The following NFE2L3 variants were observed in gnomAD, a reference collection of about 807,000 sequenced individuals.
NFE2L3 encodes the protein nuclear factor erythroid 2-related factor 3.
In NFE2L3, 18 loss-of-function variants were observed where a neutral mutation model predicts 23.5. That is an observed-to-expected ratio of 0.77 (90% confidence interval 0.53 to 1.13). NFE2L3 has a LOEUF of 1.13. Ranked by LOEUF, NFE2L3 falls within the 50% of genes most tolerant of loss-of-function variation. NFE2L3 has a pLI of 0.00. For missense variants in NFE2L3, 1,152 were observed against 877.2 expected (o/e 1.31, Z -3.96); for synonymous variants, 424 against 354.5 (o/e 1.20, Z -2.20).
chr7:26,178,903 A>G (rs919442136), intron 2 of NFE2L3, among the ~76,000 whole-genome samples: 1 of 152,070 alleles, frequency 6.6e-6, no homozygotes. Context: ...CTGCTTTAGC[A>G]TGTCCCCTTC....
In NFE2L3 at chr7:26,152,291, G is replaced by A. The variant is rs1318003028; in HGVS notation, c.-208G>A. ...TTCGCTTCTCCCGATCCCCGGCGGT[G>A]CCAGGCACGGTGCCGGCTGCCGAGG... On this transcript the variant is annotated 5_prime_UTR_variant, in exon 1 of 4. Transcript: ENST00000056233. This position sits in a 1 kb window ranked among gnomAD's most constrained non-coding sequence, Gnocchi z 4.4. 1 of 265,990 alleles carries A rather than the reference G, an allele frequency of 3.8e-6. No individual in the cohort carries two copies. Among genetic ancestry groups the A allele is most frequent in the Non-Finnish European group, 6.9e-6 (1 of 145,320 alleles). 16.5% of individuals were successfully genotyped at this position (265,990 alleles called of 1,614,324 possible).
At chr7:26,166,127 CG>C (rs1262543181) in intron 1 of NFE2L3, among the ~76,000 whole-genome samples, 3 of 74,482 alleles carry the variant, frequency 4.0e-5, no homozygotes, top group Admixed American at 3.3e-4. Flanking sequence ...GTGAAGCGAG[CG>C]GGTGGGGCGG....
chr7:26,177,938 T>TATA lies in NFE2L3; in HGVS notation c.571-4_571-2dup. On this transcript the variant is annotated splice_region_variant and splice_polypyrimidine_tract_variant and intron_variant, in intron 1 of 3. Coordinates refer to ENST00000056233, the MANE Select transcript of NFE2L3 (RefSeq NM_004289.7). The stretch of plus-strand genomic sequence containing the variant: ...CTTATTTGATGAAATTTCGTACTTT[T>TATA]ATAGGAGAATGGGGTACTAAGAGAA... The TATA allele has an allele frequency of 6.2e-7, 1 of 1,608,368 alleles. No individual in the cohort carries two copies. The highest frequency in any genetic ancestry group is 8.5e-7 in the Non-Finnish European group (1 of 1,178,270).
At chr7:26,175,885 T>G (rs1583934610) in intron 1 of NFE2L3, among the ~76,000 whole-genome samples, 1 of 147,606 alleles carries the variant, frequency 6.8e-6, no homozygotes, top group South Asian at 2.1e-4. Context: ...TATTTATTGA[T>G]CATTCTTGGG....
At chr7:26,174,564 C>A (rs1411273749) in intron 1 of NFE2L3, 2 of 152,222 alleles carry the variant, frequency 1.3e-5, no homozygotes, top group African/African-American at 4.8e-5. Flanking sequence ...ACATCATCTA[C>A]AGTGTCTAGA....
rs574491527 is a variant in NFE2L3 at position 26,175,797 on chromosome 7, G to T, written c.571-2146G>T. On this transcript the variant is annotated intron_variant, in intron 1 of 3. Transcript: ENST00000056233. ...CTGTCTCAAAAAAAAAAAAAAAATAGTTTCCATATTTGATCAGTGTTTGCT... is the reference window on the plus strand; with the variant it reads ...CTGTCTCAAAAAAAAAAAAAAAATATTTTCCATATTTGATCAGTGTTTGCT... Among the ~76,000 whole-genome samples, 128 of 144,346 alleles carry T rather than the reference G, an allele frequency of 8.9e-4. 1 individual carries two copies. Among genetic ancestry groups the T allele is most frequent in the Non-Finnish European group, 1.2e-3 (82 of 65,766 alleles). 94.7% of individuals were successfully genotyped at this position (144,346 alleles called of 152,430 possible).
chr7:26,176,968 A>G (rs1228067590), intron 1 of NFE2L3, among the ~76,000 whole-genome samples: 9 of 40,756 alleles, frequency 2.2e-4, no homozygotes, highest in African/African-American at 4.1e-4. Flanking sequence ...ACGGGGTGGC[A>G]GCCGGGCAGA....
At chr7:26,162,715 C>CTT (rs1209506956) in intron 1 of NFE2L3, among the ~76,000 whole-genome samples, 4 of 144,626 alleles carry the variant, frequency 2.8e-5, no homozygotes, top group Non-Finnish European at 6.1e-5. Flanking sequence ...TAGACTATTT[C>CTT]TTTTTTTTTT....
At chr7:26,154,113 G>T (rs1472005308) in intron 1 of NFE2L3, among the ~76,000 whole-genome samples, 1 of 152,010 alleles carries the variant, frequency 6.6e-6, no homozygotes, top group Non-Finnish European at 1.5e-5. Flanking sequence ...CACCCTCCTG[G>T]AGGGGTCATT....
intron 2 of NFE2L3, 130 bp downstream of exon 2, chr7:26,178,252 A>T: frequency 1.4e-6 from 1 of 706,860 alleles, no homozygotes; most frequent in Non-Finnish European, 2.3e-6. Flanking sequence ...ATATATGAAA[A>T]TACCTATGTC....
rs551760326 is a variant in NFE2L3, at chr7:26,181,599, A to G, written c.751-2102A>G. ...AAAATGATATAAACACTGGTTCTTG[A>G]AAAGAAAAATGCAAAACTGCTCCCC... On this transcript the variant is annotated intron_variant, in intron 2 of 3. Coordinates refer to ENST00000056233, the MANE Select transcript of NFE2L3 (RefSeq NM_004289.7). Among the ~76,000 whole-genome samples the G allele has an allele frequency of 9.9e-5, 15 of 152,228 alleles. No homozygotes were observed. The South Asian group carries it at 3.1e-3, about 32-fold the overall frequency.
intron 3 of NFE2L3, chr7:26,184,297 A>G (rs1366531460): frequency 6.5e-6 from 3 of 463,144 alleles, no homozygotes; most frequent in Non-Finnish European, 1.1e-5. Context: ...AAATCCAGTC[A>G]GCTTTTATAC....
chr7:26,181,247 G>C (rs894485508), intron 2 of NFE2L3, among the ~76,000 whole-genome samples: 6 of 152,168 alleles, frequency 3.9e-5, no homozygotes, highest in African/African-American at 9.7e-5. Context: ...AAAGTGCTGG[G>C]ATTACAGGTG....
At chr7:26,173,495 C>G (rs1408749214) in intron 1 of NFE2L3, 1 of 152,226 alleles carries the variant, frequency 6.6e-6, no homozygotes, top group Non-Finnish European at 1.5e-5. Flanking sequence ...AAGTTTCTCT[C>G]TCTACCACTA....
chr7:26,184,940 A>C lies in NFE2L3; in HGVS notation c.1242A>C (p.Glu414Asp), dbSNP rs746734213. Residue 414 changes from glutamate to aspartate, a missense_variant, in exon 4 of 4, where the codon GAA becomes GAC. Transcript: ENST00000056233. ...TCGATGTTTCTCAGCTTTTTGATGA[A>C]CCAGATTCTGATTCTGGCCTTTCTT... ...DPIDVSQLFD[E>D]PDSDSGLSLD... is the part of the protein sequence containing the mutation. The C allele has an allele frequency of 4.2e-5, 67 of 1,613,844 alleles. No individual in the cohort carries two copies. In the Admixed American group the frequency reaches 1.1e-3, roughly 25 times the overall value.
At chr7:26,168,325 C>T (rs1784281048) in intron 1 of NFE2L3, among the ~76,000 whole-genome samples, 1 of 151,552 alleles carries the variant, frequency 6.6e-6, no homozygotes, top group African/African-American at 2.4e-5. Context: ...TAAGTAGAGA[C>T]AGGGTTTCAC....
intron 3 of NFE2L3, 39 bp from the exon 4 acceptor site, chr7:26,184,494 G>A (rs1433811587): frequency 1.3e-6 from 2 of 1,554,652 alleles, no homozygotes; most frequent in Admixed American, 3.7e-5. Flanking sequence ...TCAGAAATAG[G>A]GCTATTCATG....
Position 26,152,286 on chromosome 7 carries a change from G to C in NFE2L3, c.-213G>C, listed in dbSNP as rs2128096522. 2 of 258,882 alleles carry C rather than the reference G, an allele frequency of 7.7e-6. No individual in the cohort carries two copies. The highest frequency in any genetic ancestry group is 1.4e-5 in the Non-Finnish European group (2 of 140,150). The allele number at this position is 258,882 out of a possible 1,614,324, so 16.0% of individuals were successfully genotyped here. ...CCTTCTTCGCTTCTCCCGATCCCCG[G>C]CGGTGCCAGGCACGGTGCCGGCTGC... On this transcript the variant is annotated 5_prime_UTR_variant, in exon 1 of 4. Transcript: ENST00000056233. This position sits in a 1 kb window ranked among gnomAD's most constrained non-coding sequence, Gnocchi z 4.4.
rs1349709339 is a variant in NFE2L3, at chr7:26,168,677, A to G, written c.571-9266A>G. On this transcript the variant is annotated intron_variant, in intron 1 of 3. Transcript: ENST00000056233. ...TTGGAATTGCGAATTGTGCTGCTAT[A>G]AACATGCGTATGCAAGTATCTTTTT... Among the ~76,000 whole-genome samples the G allele has an allele frequency of 3.3e-5, 5 of 151,918 alleles. No homozygotes were observed. In the South Asian group the frequency reaches 6.2e-4, roughly 19 times the overall value.
Sources: gnomAD v4.1 joint callset for allele counts (sites outside exome capture counted in the v4.1 genomes callset) on GRCh38, gnomAD v4.1.1 for gene constraint, Gnocchi (gnomAD v3.1) non-coding constraint, MANE v1.5 for transcripts, NCBI Gene and HGNC (gene_info 2026-07-23, HGNC 2026-07-21) for gene names.